RBM27: variants seen among roughly 807,000 people sequenced by gnomAD.
The protein encoded by RBM27 is RNA-binding protein 27.
A neutral mutation model predicts 135.3 loss-of-function variants in RBM27; 22 were observed. That is an observed-to-expected ratio of 0.16 (90% CI 0.12 to 0.23). The LOEUF is 0.23. RBM27 is among the 10% of genes least tolerant of loss of function. The probability of loss-of-function intolerance (pLI) is 1.00; values close to 1 mark genes in which losing one functional copy is unlikely to be tolerated. For synonymous variants in RBM27, 481 were observed against 442.4 expected (o/e 1.09, Z -1.10); for missense variants, 1,009 against 1,281.0 (o/e 0.79, Z 3.24).
chr5:146,221,620 C>A (rs948255137), intron 2 of RBM27, among the ~76,000 whole-genome samples: 3 of 152,074 alleles, frequency 2.0e-5, no homozygotes, highest in African/African-American at 7.2e-5. Flanking sequence ...TTTTAGTAGA[C>A]AGGGTTTCAC....
At chr5:146,285,581 A>C (rs1395693813) in intron 20 of RBM27, among the ~76,000 whole-genome samples, 1 of 152,224 alleles carries the variant, frequency 6.6e-6, no homozygotes, top group East Asian at 1.9e-4. Flanking sequence ...AAAAACAAAG[A>C]TTTAGGTGTT....
chr5:146,230,346 C>T (rs984489238), intron 5 of RBM27, among the ~76,000 whole-genome samples: 3 of 152,096 alleles, frequency 2.0e-5, no homozygotes, highest in African/African-American at 7.2e-5. Flanking sequence ...TTCTGAGATA[C>T]AAGTTTGGAA....
In RBM27 at chr5:146,258,535, C is replaced by T. The variant is rs1758221653; in HGVS notation, c.1681C>T (p.Arg561Ter). 1.3e-6 allele frequency: 2 copies of T among 1,596,728 alleles called. No individual in the cohort carries two copies. Among genetic ancestry groups the T allele is most frequent in the Admixed American group, 1.7e-5 (1 of 57,936 alleles). ...CAGAGTAGTTCTTGAACCAGATAGTCGAAAAAGAGCTATGAGTGGTTTGGA... is the reference window on the plus strand; with the variant it reads ...CAGAGTAGTTCTTGAACCAGATAGTTGAAAAAGAGCTATGAGTGGTTTGGA... ...ITRVVLEPDSRKRAMSGLEGP... is the reference protein window; with the variant it reads ...ITRVVLEPDS The change falls in exon 11 of 21, where the codon CGA becomes TGA. Residue 561 changes from arginine to a stop codon, truncating the protein, a stop_gained. Transcript: ENST00000265271. LOFTEE classifies it high-confidence loss of function.
chr5:146,260,804 C>G lies in RBM27; in HGVS notation c.1799C>G (p.Thr600Ser). Residue 600 changes from threonine (T) to serine (S), a missense_variant, in exon 12 of 21, where the codon ACC (threonine) becomes AGC (serine). Physicochemically the swap from Thr to Ser is moderately conservative, Grantham distance 58 (BLOSUM62 1). This residue lies in a region of RBM27 where 329 missense variants were observed against 368.1 expected (regional missense o/e 0.89). Transcript: ENST00000265271. ...TTACGAAAGAATCAGTATACAAACA[C>G]CAAATTAGAAGTCAAGAAAATCCCT... The part of the protein sequence containing the change: ...GFLRKNQYTN[T>S]KLEVKKIPQE... 1 of 1,613,318 alleles carries G rather than the reference C, an allele frequency of 6.2e-7. No homozygotes were observed. Among genetic ancestry groups the G allele is most frequent in the Non-Finnish European group, 8.5e-7 (1 of 1,179,578 alleles).
intron 8 of RBM27, among the ~76,000 whole-genome samples, chr5:146,240,741 A>G (rs1388612278): frequency 6.6e-6 from 1 of 152,186 alleles, no homozygotes; most frequent in Non-Finnish European, 1.5e-5. Flanking sequence ...CTTACATTCA[A>G]CTGAGCTTCT....
chr5:146,265,617 A>G (rs181827324), intron 14 of RBM27, among the ~76,000 whole-genome samples: 20 of 152,358 alleles, frequency 1.3e-4, no homozygotes, highest in Admixed American at 2.6e-4. Flanking sequence ...AAACACATGA[A>G]CTAGCATATC....
At position 146,229,000 on chromosome 5, in the gene RBM27, A is replaced by C; in HGVS notation, c.358A>C (p.Ser120Arg). 2 of 1,613,840 alleles carry C rather than the reference A, an allele frequency of 1.2e-6. No individual in the cohort carries two copies. Among genetic ancestry groups the C allele is most frequent in the Non-Finnish European group, 1.7e-6 (2 of 1,179,822 alleles). The change falls in exon 4 of 21, where the codon AGT (serine) becomes CGT (arginine). Residue 120 changes from serine to arginine, a missense_variant. Physicochemically the swap from Ser to Arg is moderately radical, Grantham distance 110. This residue lies in a region of RBM27 where 268 missense variants were observed against 326.6 expected (regional missense o/e 0.82). Coordinates refer to ENST00000265271, the MANE Select transcript of RBM27 (RefSeq NM_018989.2). ...AGATGGCAGAAAAAAGAAATATCCT[A>C]GTCCCCAGAAGACTCGTTCAGAATC... ...ERDGRKKKYPSPQKTRSESSE... is the reference protein window; with the variant it reads ...ERDGRKKKYPRPQKTRSESSE...
At chr5:146,276,974 A>G (rs1186772884) in intron 19 of RBM27, among the ~76,000 whole-genome samples, 1 of 152,206 alleles carries the variant, frequency 6.6e-6, no homozygotes, top group Non-Finnish European at 1.5e-5. Context: ...GTCACAAGTG[A>G]TCAGGAGTTT....
chr5:146,224,770 A>G (rs996257931), intron 3 of RBM27, among the ~76,000 whole-genome samples: 7 of 152,042 alleles, frequency 4.6e-5, no homozygotes, highest in Non-Finnish European at 8.8e-5. Context: ...ATGGAGTTGG[A>G]GTCTCCTTAT....
chr5:146,216,802 T>C (rs2126702055), intron 1 of RBM27, among the ~76,000 whole-genome samples: 1 of 152,128 alleles, frequency 6.6e-6, no homozygotes, highest in Middle Eastern at 3.4e-3. Context: ...GGAGTACAGG[T>C]GTGCGCCACC....
intron 19 of RBM27, among the ~76,000 whole-genome samples, chr5:146,278,427 T>C (rs1006194088): frequency 3.9e-5 from 6 of 152,174 alleles, no homozygotes. Flanking sequence ...TCCTTCTACC[T>C]CCAGTCACTC....
At chr5:146,248,508 C>G (rs1757731390) in intron 8 of RBM27, among the ~76,000 whole-genome samples, 1 of 152,156 alleles carries the variant, frequency 6.6e-6, no homozygotes, top group Non-Finnish European at 1.5e-5. Context: ...CTCTGTTACC[C>G]AGGCTGGAGT....
In RBM27 at chr5:146,229,848, T is replaced by C. The variant is rs1756855919; in HGVS notation, c.527T>C (p.Leu176Pro). Residue 176 changes from leucine (L) to proline (P), a missense_variant, in exon 5 of 21, where the codon CTG (leucine) becomes CCG (proline). Transcript: ENST00000265271. ...AAGAGTCGGAGTAAGAGTCGAGGCC[T>C]GAGTCGCAGTAGAAGCCGAAGTAGG... ...RSKSRSKSRGLSRSRSRSRGR... is the reference protein window; with the variant it reads ...RSKSRSKSRGPSRSRSRSRGR... 2 of 1,613,926 alleles carry C rather than the reference T, an allele frequency of 1.2e-6. No individual in the cohort carries two copies. The highest frequency in any genetic ancestry group is 3.3e-4 in the Middle Eastern group (2 of 6,038).
chr5:146,250,756 GT>G (rs1554081437), intron 8 of RBM27, among the ~76,000 whole-genome samples: 18 of 83,090 alleles, frequency 2.2e-4, no homozygotes, highest in African/African-American at 5.6e-4. Flanking sequence ...CTGTTTATCT[GT>G]TTTTTTTTTG....
In RBM27 at chr5:146,203,606, G is replaced by T. The variant is rs1755474859; in HGVS notation, c.-160G>T. On this transcript the variant is annotated 5_prime_UTR_variant, in exon 1 of 21. Coordinates refer to ENST00000265271, the MANE Select transcript of RBM27 (RefSeq NM_018989.2). The stretch of plus-strand genomic sequence containing the variant: ...AGGTTGAGTGAGGGCTCTTGGGTTA[G>T]TTCCTGTTAGGCCCCGGCCGGGGGA... 1 of 649,008 alleles carries T rather than the reference G, an allele frequency of 1.5e-6. No homozygotes were observed. Among genetic ancestry groups the T allele is most frequent in the Non-Finnish European group, 2.7e-6 (1 of 372,064 alleles). 40.2% of individuals were successfully genotyped at this position (649,008 alleles called of 1,614,324 possible).
At chr5:146,233,321 A>G in intron 6 of RBM27, 129 bp from the exon 7 acceptor site, 4 of 1,417,110 alleles carry the variant, frequency 2.8e-6, no homozygotes, top group Non-Finnish European at 9.3e-7. Flanking sequence ...AGTAACACTG[A>G]GACTTTGGAT....
At chr5:146,217,214 G>A (rs1472456418) in intron 1 of RBM27, among the ~76,000 whole-genome samples, 1 of 151,958 alleles carries the variant, frequency 6.6e-6, no homozygotes, top group African/African-American at 2.4e-5. Context: ...TGATCCCCCC[G>A]CCTTGGCCTC....
At chr5:146,261,176 G>C (rs984730107) in intron 12 of RBM27, among the ~76,000 whole-genome samples, 2 of 152,206 alleles carry the variant, frequency 1.3e-5, no homozygotes, top group African/African-American at 4.8e-5. Context: ...TCAAGGTGCT[G>C]GATGATTCAT....
chr5:146,254,137 G>A (rs1413981235), intron 9 of RBM27, among the ~76,000 whole-genome samples: 1 of 152,142 alleles, frequency 6.6e-6, no homozygotes, highest in Non-Finnish European at 1.5e-5. Flanking sequence ...TATGGTGTTT[G>A]TGTATGTGAA....
Sources: allele counts gnomAD v4.1 joint callset (sites outside exome capture counted in the v4.1 genomes callset), GRCh38; gene constraint gnomAD v4.1.1; regional missense constraint gnomAD v4.1.1; transcripts MANE v1.5; gene names NCBI Gene and HGNC (gene_info 2026-07-23, HGNC 2026-07-21).